CTNNA3: variants seen among roughly 807,000 people sequenced by gnomAD.
CTNNA3 encodes catenin alpha 3.
Under a neutral mutation model 95.7 loss-of-function variants are expected in CTNNA3, and 76 were observed. The ratio of observed to expected loss-of-function variants is 0.79; its 90% CI spans 0.66 to 0.96. CTNNA3 has a LOEUF of 0.96. CTNNA3 is among the 40% of genes least tolerant of loss of function. The pLI is 0.00. For missense variants in CTNNA3, 1,191 were observed against 1,089.8 expected, an observed-to-expected ratio of 1.09 and a Z score of -1.31; for synonymous variants, 431 against 374.4, an observed-to-expected ratio of 1.15 and a Z score of -1.74.
In CTNNA3 at chr10:66,520,747, A is replaced by G; in HGVS notation, c.1401T>C (p.Ala467=). The G allele has an allele frequency of 6.2e-7, 1 of 1,612,976 alleles. No individual in the cohort carries two copies. The highest frequency in any genetic ancestry group is 8.5e-7 in the Non-Finnish European group (1 of 1,179,418). ...PQIINAALAL[A]ARPKSQAVKN... ...TGACCGCTTGACTTTTGGGTCTTGC[A>G]GCCAAAGCAAGTGCAGCATTAATAA... Residue 467 remains alanine (A), a synonymous_variant, in exon 11 of 18, where the codon GCT becomes GCC. Transcript: ENST00000433211.
intron 17 of CTNNA3, among the ~76,000 whole-genome samples, chr10:65,923,136 A>G (rs2077116278): frequency 6.6e-6 from 1 of 152,224 alleles, no homozygotes; most frequent in Non-Finnish European, 1.5e-5. Flanking sequence ...AAGCCTAACC[A>G]TATCAAAAGT....
chr10:66,461,554 A>G (rs1252776326), intron 11 of CTNNA3, among the ~76,000 whole-genome samples: 3 of 151,894 alleles, frequency 2.0e-5, no homozygotes, highest in African/African-American at 7.3e-5. Flanking sequence ...TAGTGCGTCA[A>G]TAAGACTCTT....
chr10:66,209,186 T>C (rs751175237), intron 13 of CTNNA3, among the ~76,000 whole-genome samples: 35 of 152,134 alleles, frequency 2.3e-4, no homozygotes, highest in Non-Finnish European at 5.0e-4. Flanking sequence ...CTGCCATGAG[T>C]CACACATTTA....
At chr10:67,276,501 C>T (rs1839185537) in intron 5 of CTNNA3, among the ~76,000 whole-genome samples, 1 of 152,062 alleles carries the variant, frequency 6.6e-6, no homozygotes, top group Non-Finnish European at 1.5e-5. Context: ...TCCAAAAGTA[C>T]AGCTATTGTT....
At chr10:67,539,895 G>T (rs1840616871) in intron 3 of CTNNA3, among the ~76,000 whole-genome samples, 1 of 152,124 alleles carries the variant, frequency 6.6e-6, no homozygotes, top group Admixed American at 6.5e-5. Context: ...CTGCAAGAAA[G>T]TTGTGCTCAA....
intron 7 of CTNNA3, among the ~76,000 whole-genome samples, chr10:66,919,176 T>C (rs1846662627): frequency 6.6e-6 from 1 of 151,314 alleles, no homozygotes; most frequent in Non-Finnish European, 1.5e-5. Flanking sequence ...GAAGATTTGC[T>C]TTTAAAATAC....
chr10:67,302,873 G>T (rs1197000680), intron 5 of CTNNA3, among the ~76,000 whole-genome samples: 1 of 152,174 alleles, frequency 6.6e-6, no homozygotes, highest in Non-Finnish European at 1.5e-5. Flanking sequence ...TAGAATAATT[G>T]AAAAAGGATT....
At chr10:67,380,954 C>T (rs1843918882) in intron 5 of CTNNA3, among the ~76,000 whole-genome samples, 1 of 152,146 alleles carries the variant, frequency 6.6e-6, no homozygotes, top group Admixed American at 6.5e-5. Flanking sequence ...CCTAAAACCT[C>T]AAGGGCTTCA....
intron 13 of CTNNA3, among the ~76,000 whole-genome samples, chr10:66,116,943 C>G (rs555579294): frequency 6.6e-6 from 1 of 152,170 alleles, no homozygotes; most frequent in African/African-American, 2.4e-5. Context: ...TCACCACCCC[C>G]CCAGGCCCCT....
At chr10:67,135,537 T>C (rs2394334) in intron 7 of CTNNA3, among the ~76,000 whole-genome samples, 91,779 of 151,912 alleles carry the variant, frequency 0.6, 28,363 homozygotes, top group Middle Eastern at 0.74. Flanking sequence ...TAAAGGGGTA[T>C]GGTGGTACAT....
At chr10:66,548,655 C>A (rs75153741) in intron 10 of CTNNA3, among the ~76,000 whole-genome samples, 3,609 of 152,118 alleles carry the variant, frequency 0.024, 90 homozygotes, top group East Asian at 0.058. Context: ...TGCATGTATT[C>A]AAGTGATCAT....
intron 13 of CTNNA3, among the ~76,000 whole-genome samples, chr10:66,242,933 G>A (rs189136494): frequency 2.8e-4 from 42 of 152,250 alleles, no homozygotes; most frequent in African/African-American, 9.6e-4. Flanking sequence ...TAATACAATT[G>A]AACAGTGTAA....
chr10:66,871,520 C>CCACTG (rs1844403394), intron 7 of CTNNA3, among the ~76,000 whole-genome samples: 1 of 144,416 alleles, frequency 6.9e-6, no homozygotes, highest in Admixed American at 7.4e-5. Flanking sequence ...TGAGATCGCA[C>CCACTG]CACTGCACTC....
chr10:67,541,949 A>G (rs545929337), intron 3 of CTNNA3, among the ~76,000 whole-genome samples: 3 of 152,132 alleles, frequency 2.0e-5, no homozygotes, highest in East Asian at 1.9e-4. Context: ...AACTAAATAT[A>G]TATCAAAAAA....
At chr10:66,454,721 T>A (rs2093484721) in intron 11 of CTNNA3, among the ~76,000 whole-genome samples, 1 of 151,334 alleles carries the variant, frequency 6.6e-6, no homozygotes, top group South Asian at 2.1e-4. Context: ...TCCATTTCAT[T>A]TTATGAGACC....
chr10:67,755,847 AATATGCCAAAAAGAT>A (rs1372752609), intron 1 of CTNNA3, among the ~76,000 whole-genome samples: 1 of 151,866 alleles, frequency 6.6e-6, no homozygotes, highest in Non-Finnish European at 1.5e-5. Context: ...AAAGAAAATC[AATATGCCAAAAAGAT>A]ATATGCACTC....
At chr10:67,399,513 C>A (rs76692917) in intron 5 of CTNNA3, among the ~76,000 whole-genome samples, 2,095 of 152,244 alleles carry the variant, frequency 0.014, 38 homozygotes, top group African/African-American at 0.043. Flanking sequence ...CTTTCAACAC[C>A]ATTTTCTACC....
intron 12 of CTNNA3, among the ~76,000 whole-genome samples, chr10:66,315,857 A>G (rs948551201): frequency 6.6e-6 from 1 of 152,124 alleles, no homozygotes; most frequent in African/African-American, 2.4e-5. Flanking sequence ...GAAGGCAAAT[A>G]AACAATACTA....
rs761851664 is a variant in CTNNA3 at position 66,508,180 on chromosome 10, G to GTTT, written c.1531+12434_1531+12436dup. Among the ~76,000 whole-genome samples, 10 of 114,700 alleles carry GTTT rather than the reference G, an allele frequency of 8.7e-5. 1 individual carries two copies. The highest frequency in any genetic ancestry group is 1.6e-4 in the Non-Finnish European group (9 of 56,544). 75.2% of individuals were successfully genotyped at this position (114,700 alleles called of 152,430 possible). On this transcript the variant is annotated intron_variant, in intron 11 of 17. Transcript: ENST00000433211. ...GTGTGGTGGTGCAGGAGCAGCTCTT[G>GTTT]TTTTTTTTTTTTGTTTTGTTTTGTT...
Sources: allele counts gnomAD v4.1 joint callset (sites outside exome capture counted in the v4.1 genomes callset), GRCh38; gene constraint gnomAD v4.1.1; transcripts MANE v1.5; gene names NCBI Gene and HGNC (gene_info 2026-07-23, HGNC 2026-07-21).